EPB41: variants seen among roughly 807,000 people sequenced by gnomAD.
The protein encoded by EPB41 is protein 4.1.
In EPB41, 65 loss-of-function variants were observed where a neutral mutation model predicts 108.0. The ratio of observed to expected loss-of-function variants is 0.60; its 90% CI spans 0.49 to 0.74. The LOEUF is 0.74. EPB41 is among the 30% of genes least tolerant of loss of function. The probability of loss-of-function intolerance (pLI) is 0.00; values close to 1 mark genes in which losing one functional copy is unlikely to be tolerated. For missense variants in EPB41, 875 were observed against 1,037.0 expected (o/e 0.84, Z 2.15); for synonymous variants, 336 against 358.9 (o/e 0.94, Z 0.72).
intron 16 of EPB41, among the ~76,000 whole-genome samples, chr1:29,079,762 A>T (rs1199636105): frequency 1.3e-5 from 2 of 152,116 alleles, no homozygotes; most frequent in Non-Finnish European, 2.9e-5. Flanking sequence ...TGGGAGGCTG[A>T]GGTGGGAGGA....
At chr1:29,048,677 T>C (rs1001215096) in intron 11 of EPB41, among the ~76,000 whole-genome samples, 4 of 152,230 alleles carry the variant, frequency 2.6e-5, no homozygotes, top group African/African-American at 4.8e-5. Context: ...ACAATTCTCC[T>C]AGGCCCATGC....
At chr1:28,945,367 G>C (rs757906668) in intron 1 of EPB41, among the ~76,000 whole-genome samples, 1 of 151,986 alleles carries the variant, frequency 6.6e-6, no homozygotes, top group African/African-American at 2.4e-5. Context: ...CGATAAAGAC[G>C]GTGTATATTC....
In EPB41 at chr1:28,927,159, A is replaced by G. The variant is rs75916620; in HGVS notation, c.-8+12391A>G. Among the ~76,000 whole-genome samples, 257 of 152,346 alleles carry G rather than the reference A, an allele frequency of 1.7e-3. 1 individual carries two copies. Among genetic ancestry groups the G allele is most frequent in the African/African-American group, 5.7e-3 (238 of 41,586 alleles). On this transcript the variant is annotated intron_variant, in intron 1 of 20. Coordinates refer to ENST00000343067, the MANE Select transcript of EPB41 (RefSeq NM_001376013.1). ...GGAACTTGTACACAAGTGACCTGCA[A>G]TCTGAAGTGTAGCTTTTAGCAGTTA...
At chr1:29,085,588 G>A (rs983002328) in intron 16 of EPB41, among the ~76,000 whole-genome samples, 1 of 151,978 alleles carries the variant, frequency 6.6e-6, no homozygotes, top group Non-Finnish European at 1.5e-5. Context: ...CATCATCATT[G>A]ACTTTGACTT....
chr1:29,045,303 AC>A (rs1241851332), intron 11 of EPB41, among the ~76,000 whole-genome samples: 10 of 152,080 alleles, frequency 6.6e-5, no homozygotes, highest in Non-Finnish European at 1.3e-4. Context: ...GGTGTAGGTA[AC>A]TTGTGCATCT....
chr1:28,938,595 C>T (rs981780347), intron 1 of EPB41, among the ~76,000 whole-genome samples: 6 of 149,826 alleles, frequency 4.0e-5, no homozygotes, highest in Non-Finnish European at 5.9e-5. Context: ...TGCAGTAGTG[C>T]GATTTTTGCT....
chr1:29,004,379 A>T (rs2096361218), intron 4 of EPB41, among the ~76,000 whole-genome samples: 1 of 152,214 alleles, frequency 6.6e-6, no homozygotes, highest in Admixed American at 6.5e-5. Context: ...AGAGTCAGAT[A>T]ATCAGTCTGA....
In EPB41 at chr1:29,030,228, C is replaced by G. The variant is rs527395317; in HGVS notation, c.1125-172C>G. Among the ~76,000 whole-genome samples, 7 of 152,208 alleles carry G rather than the reference C, an allele frequency of 4.6e-5. No individual in the cohort carries two copies. The South Asian group carries it at 1.0e-3, about 23-fold the overall frequency. On this transcript the variant is annotated intron_variant, in intron 7 of 20. Coordinates refer to ENST00000343067, the MANE Select transcript of EPB41 (RefSeq NM_001376013.1). Reference sequence around the variant, plus strand: ...AAGGTATATTTTAATTATTTAGATACAGGCAGTGATGGGTTCTGTTCCATA... The same window carrying G: ...AAGGTATATTTTAATTATTTAGATAGAGGCAGTGATGGGTTCTGTTCCATA...
At chr1:28,973,917 A>T (rs1209531381) in intron 1 of EPB41, among the ~76,000 whole-genome samples, 1 of 152,152 alleles carries the variant, frequency 6.6e-6, no homozygotes, top group East Asian at 1.9e-4. Flanking sequence ...TTTAGATGAA[A>T]ACTATGTCTT....
Position 29,039,345 on chromosome 1 carries a change from C to A in EPB41, c.1555C>A (p.Gln519Lys). The change falls in exon 11 of 21, where the codon CAA becomes AAA. Residue 519 changes from glutamine to lysine, a missense_variant. Physicochemically the swap from Gln to Lys is moderately conservative, Grantham distance 53. Around this residue, in one of 3 missense-constraint regions of EPB41, gnomAD observed 519 missense variants for 627.3 expected, o/e 0.83. Transcript: ENST00000343067. ...YSGRTQAQTR[Q>K]ASALIDRPAP... ...TGGCCGGACTCAAGCTCAGACCAGG[C>A]AAGCTAGTGCTCTAATTGACAGGCC... 1 of 1,614,138 alleles carries A rather than the reference C, an allele frequency of 6.2e-7. No homozygotes were observed. Among genetic ancestry groups the A allele is most frequent in the Non-Finnish European group, 8.5e-7 (1 of 1,180,042 alleles).
chr1:29,018,497 C>CTT lies in EPB41; in HGVS notation c.1124+55_1124+56insTT, dbSNP rs5773229. ...TTTGTTTTGGCGATTAGTTTAAACA[C>CTT]AACATGGTATTGGTTCATTGTTTGC... On this transcript the variant is annotated intron_variant, in intron 7 of 20. Coordinates refer to ENST00000343067, the MANE Select transcript of EPB41 (RefSeq NM_001376013.1). The surrounding 1 kb of genome is among the most constrained non-coding windows in gnomAD (Gnocchi z 4.4). 1,308,349 of 1,511,308 alleles carry CTT rather than the reference C, an allele frequency of 0.87. 567,724 individuals carry two copies. The highest frequency in any genetic ancestry group is 0.97 in the African/African-American group (70,760 of 72,862). 93.6% of individuals were successfully genotyped at this position (1,511,308 alleles called of 1,614,324 possible). A position where few individuals can be genotyped will look rare whatever the true frequency, so the allele number is the denominator to read the frequency against.
chr1:29,086,749 TC>T (rs943420405), intron 16 of EPB41, among the ~76,000 whole-genome samples: 2 of 152,104 alleles, frequency 1.3e-5, no homozygotes, highest in African/African-American at 2.4e-5. Flanking sequence ...GAGTTGTTTT[TC>T]TATTGCCACT....
chr1:28,969,635 C>T (rs1270227674), intron 1 of EPB41, among the ~76,000 whole-genome samples: 1 of 151,852 alleles, frequency 6.6e-6, no homozygotes, highest in Non-Finnish European at 1.5e-5. Flanking sequence ...CGCAGTGGCT[C>T]AAGCCTGTAA....
At chr1:29,116,004 C>G (rs537725417) in intron 20 of EPB41, among the ~76,000 whole-genome samples, 62 of 152,150 alleles carry the variant, frequency 4.1e-4, no homozygotes, top group Non-Finnish European at 8.2e-4. Context: ...TGTAGCAGTG[C>G]CAGCATTATT....
At chr1:28,981,093 TAA>T in intron 1 of EPB41, among the ~76,000 whole-genome samples, 1 of 152,142 alleles carries the variant, frequency 6.6e-6, no homozygotes, top group Non-Finnish European at 1.5e-5. Context: ...TTTAATAAAT[TAA>T]AACTGCATCT....
chr1:28,932,505 T>TA (rs983736446), intron 1 of EPB41, among the ~76,000 whole-genome samples: 53 of 143,872 alleles, frequency 3.7e-4, no homozygotes, highest in African/African-American at 7.3e-4. Context: ...CTACCTCCTT[T>TA]AAAAAAAAAA....
chr1:28,982,551 TC>T, intron 1 of EPB41: 2 of 1,439,060 alleles, frequency 1.4e-6, no homozygotes, highest in Non-Finnish European at 9.7e-7. Flanking sequence ...CGGCTTTGCA[TC>T]CAGAGTAGCG....
At chr1:29,019,517 A>C (rs1256745313) in intron 7 of EPB41, among the ~76,000 whole-genome samples, 1 of 152,172 alleles carries the variant, frequency 6.6e-6, no homozygotes, top group Non-Finnish European at 1.5e-5. Context: ...GCTATAGCTT[A>C]GTTCTGTAAA....
In EPB41 at chr1:28,998,545, T is replaced by C. The variant is rs540908743; in HGVS notation, c.786+1226T>C. ...AGATTAGGTTGTGTGAGTTAGATAATGCAAACTAGAAGACATGGAATTATC... is the reference window on the plus strand; with the variant it reads ...AGATTAGGTTGTGTGAGTTAGATAACGCAAACTAGAAGACATGGAATTATC... On this transcript the variant is annotated intron_variant, in intron 4 of 20. Transcript: ENST00000343067. Among the ~76,000 whole-genome samples the C allele has an allele frequency of 4.9e-4, 74 of 152,316 alleles. 1 individual carries two copies. The South Asian group carries it at 0.015, about 31-fold the overall frequency.
Sources: gnomAD v4.1 joint callset for allele counts (sites outside exome capture counted in the v4.1 genomes callset) on GRCh38, gnomAD v4.1.1 for gene constraint, gnomAD v4.1.1 regional missense constraint, Gnocchi (gnomAD v3.1) non-coding constraint, MANE v1.5 for transcripts, NCBI Gene and HGNC (gene_info 2026-07-23, HGNC 2026-07-21) for gene names.